Variants in PCDHGA5 observed in about 807,000 individuals in gnomAD.
The protein encoded by PCDHGA5 is protocadherin gamma-A5.
PCDHGA5 carries 36 observed loss-of-function variants against 56.7 expected under a neutral mutation model. That is an observed-to-expected ratio of 0.64 (90% CI 0.49 to 0.84). The LOEUF (loss-of-function observed/expected upper bound fraction) is 0.84. Among genes scored for constraint, PCDHGA5 ranks in the 40% least tolerant of loss-of-function variants. The probability of loss-of-function intolerance (pLI) is 0.00; values close to 1 mark genes in which losing one functional copy is unlikely to be tolerated. For synonymous variants in PCDHGA5, 563 were observed against 520.2 expected, an observed-to-expected ratio of 1.08 and a Z score of -1.12; for missense variants, 1,305 against 1,201.5, an observed-to-expected ratio of 1.09 and a Z score of -1.27.
intron 1 of PCDHGA5, chr5:141,418,829 C>A: frequency 1.9e-6 from 3 of 1,613,856 alleles, no homozygotes; most frequent in Non-Finnish European, 1.7e-6. Context: ...AGCAAAAGAC[C>A]GAGGATCTCT....
At chr5:141,481,647 A>C (rs749515062) in intron 1 of PCDHGA5, among the ~76,000 whole-genome samples, 28 of 151,830 alleles carry the variant, frequency 1.8e-4, no homozygotes, top group African/African-American at 6.5e-4. Context: ...GTGAAACTTC[A>C]TCTCTACTAA....
intron 1 of PCDHGA5, chr5:141,395,210 A>T (rs200048432): frequency 1.9e-6 from 3 of 1,613,418 alleles, no homozygotes; most frequent in Non-Finnish European, 2.5e-6. Context: ...ATTTTCATGA[A>T]TATAAGAATG....
At chr5:141,510,579 C>T (rs2099881748) in intron 3 of PCDHGA5, among the ~76,000 whole-genome samples, 1 of 152,170 alleles carries the variant, frequency 6.6e-6, no homozygotes, top group Non-Finnish European at 1.5e-5. Flanking sequence ...CACTATTTTA[C>T]GTACCTGACA....
At chr5:141,388,841 A>G in intron 1 of PCDHGA5, 1 of 1,614,022 alleles carries the variant, frequency 6.2e-7, no homozygotes. Context: ...TTTTGGAAGC[A>G]AGGGACGGTG....
chr5:141,430,949 GT>G (rs1391027030), intron 1 of PCDHGA5: 5 of 1,610,510 alleles, frequency 3.1e-6, no homozygotes, highest in Non-Finnish European at 4.2e-6. Flanking sequence ...GGAGCGCGGA[GT>G]CCGCATCATC....
intron 1 of PCDHGA5, chr5:141,418,991 G>A (rs1335937354): frequency 6.2e-7 from 1 of 1,613,836 alleles, no homozygotes. Context: ...AGACTCAGGG[G>A]AAAATGGGGA....
intron 1 of PCDHGA5, chr5:141,377,279 A>T (rs1256145515): frequency 1.3e-5 from 2 of 152,110 alleles, no homozygotes; most frequent in Admixed American, 1.3e-4. Flanking sequence ...TGGGAAAAAA[A>T]ATAACCTTAA....
rs745835885 is a variant in PCDHGA5 at position 141,376,254 on chromosome 5, T to G, written c.2421+9503T>G. The G allele has an allele frequency of 2.5e-6, 4 of 1,614,098 alleles. No homozygotes were observed. In the African/African-American group the frequency reaches 5.3e-5, roughly 22 times the overall value. On this transcript the variant is annotated intron_variant, in intron 1 of 3. Transcript: ENST00000518069. ...CTGCAGCGCTGGCACAAGTCACGCC[T>G]GCTGCAGGCTTCGGGAGGTGGCTTA...
At chr5:141,427,087 A>G (rs1338132084) in intron 1 of PCDHGA5, 1 of 458,198 alleles carries the variant, frequency 2.2e-6, no homozygotes, top group Non-Finnish European at 4.4e-6. Flanking sequence ...ACTGACCAGG[A>G]TGAGGGTGTC....
chr5:141,496,225 G>C (rs112222482), intron 2 of PCDHGA5, among the ~76,000 whole-genome samples: 178 of 152,276 alleles, frequency 1.2e-3, no homozygotes, highest in Non-Finnish European at 1.8e-3. Context: ...TGCTGAGACA[G>C]GAACCCCCTG....
chr5:141,418,095 C>T, intron 1 of PCDHGA5: 1 of 1,614,006 alleles, frequency 6.2e-7, no homozygotes, highest in Non-Finnish European at 8.5e-7. Context: ...AGCGTAGACG[C>T]GCAGAGCGGG....
At chr5:141,399,376 AC>A (rs1398817003) in intron 1 of PCDHGA5, 1 of 1,613,956 alleles carries the variant, frequency 6.2e-7, no homozygotes, top group Non-Finnish European at 8.5e-7. Flanking sequence ...GTACAATGTC[AC>A]CATCACAGCC....
At position 141,485,443 on chromosome 5, in the gene PCDHGA5, C is replaced by A. The variant is rs2099613637; in HGVS notation, c.2422-9364C>A. 5 of 1,614,054 alleles carry A rather than the reference C, an allele frequency of 3.1e-6. No individual in the cohort carries two copies. The East Asian group carries it at 6.7e-5, about 22-fold the overall frequency. ...GAGCCCTGCTCATCAAGAACCCAAT[C>A]GACCGAGAGGCACTGTGTGGGCTCA... On this transcript the variant is annotated intron_variant, in intron 1 of 3. Coordinates refer to ENST00000518069, the MANE Select transcript of PCDHGA5 (RefSeq NM_018918.3). This position sits in a 1 kb window ranked among gnomAD's most constrained non-coding sequence, Gnocchi z 5.7.
intron 1 of PCDHGA5, chr5:141,421,518 TGA>T: frequency 6.2e-7 from 1 of 1,614,058 alleles, no homozygotes; most frequent in Non-Finnish European, 8.5e-7. Flanking sequence ...AGGAGCTCTG[TGA>T]GACGGTGTCC....
intron 1 of PCDHGA5, chr5:141,426,833 G>T: frequency 2.2e-6 from 1 of 456,680 alleles, no homozygotes; most frequent in Non-Finnish European, 4.4e-6. Flanking sequence ...TGATGGACAA[G>T]ACTAAAGGCA....
At position 141,494,934 on chromosome 5, in the gene PCDHGA5, T is replaced by C. The variant is rs2099757666; in HGVS notation, c.2480+69T>C. On this transcript the variant is annotated intron_variant, in intron 2 of 3. Transcript: ENST00000518069. ...TTCTCAGGGATGACGTGGGAGGAGA[T>C]GGGGGAGGGCCCAGCATTTGCTACA... 5.6e-6 allele frequency: 9 copies of C among 1,612,736 alleles called. No individual in the cohort carries two copies. The South Asian group carries it at 7.7e-5, about 14-fold the overall frequency.
At chr5:141,479,573 C>A (rs1468041584) in intron 1 of PCDHGA5, 1 of 152,230 alleles carries the variant, frequency 6.6e-6, no homozygotes, top group Admixed American at 6.5e-5. Flanking sequence ...GGGATGACAT[C>A]TGTGAATAGC....
intron 1 of PCDHGA5, chr5:141,441,910 G>A: frequency 2.9e-6 from 1 of 349,440 alleles, no homozygotes; most frequent in Non-Finnish European, 5.5e-6. Flanking sequence ...AGACGCAGAT[G>A]TGAGACACAA....
chr5:141,417,599 C>G (rs1036283292), intron 1 of PCDHGA5: 4 of 500,492 alleles, frequency 8.0e-6, no homozygotes, highest in African/African-American at 7.8e-5. Flanking sequence ...CTCTGGGCGC[C>G]GCCGTCGGCC....
Sources: gnomAD v4.1 joint callset for allele counts (sites outside exome capture counted in the v4.1 genomes callset) on GRCh38, gnomAD v4.1.1 for gene constraint, Gnocchi (gnomAD v3.1) non-coding constraint, MANE v1.5 for transcripts, NCBI Gene and HGNC (gene_info 2026-07-23, HGNC 2026-07-21) for gene names.